HEATR6: variants seen among roughly 807,000 people sequenced by gnomAD.
HEATR6 encodes HEAT repeat containing 6.
In HEATR6, 106 loss-of-function variants were observed where a neutral mutation model predicts 132.8. That is an observed-to-expected ratio of 0.80 (90% CI 0.68 to 0.94). The LOEUF (loss-of-function observed/expected upper bound fraction) is 0.94. Ranked by LOEUF, HEATR6 falls within the 40% of genes least tolerant of loss-of-function variation. The probability of loss-of-function intolerance (pLI) is 0.00; values close to 1 mark genes in which losing one functional copy is unlikely to be tolerated. For synonymous variants in HEATR6, 529 were observed against 537.8 expected (o/e 0.98, Z 0.23); for missense variants, 1,339 against 1,425.1 (o/e 0.94, Z 0.97).
At chr17:60,067,237 T>C (rs1212600765) in intron 8 of HEATR6, among the ~76,000 whole-genome samples, 197 bp downstream of exon 8, 1 of 126,728 alleles carries the variant, frequency 7.9e-6, no homozygotes, top group Non-Finnish European at 1.6e-5. Flanking sequence ...GCCACTGCAC[T>C]CCAGCCTGGG....
rs1031535341 is a variant in HEATR6 at position 60,041,890 on chromosome 17, C to T, written c.*1673G>A. ...CATTTTTTGTAACTTCTTAATTGTC[C>T]CACATCAAAGATAAGTATGGACAAC... On this transcript the variant is annotated 3_prime_UTR_variant, in exon 20 of 20. Transcript: ENST00000184956. Among the ~76,000 whole-genome samples, 3 of 152,094 alleles carry T rather than the reference C, an allele frequency of 2.0e-5. No homozygotes were observed. Among genetic ancestry groups the T allele is most frequent in the Non-Finnish European group, 2.9e-5 (2 of 68,012 alleles).
At chr17:60,051,263 C>T (rs1052462510) in intron 14 of HEATR6, among the ~76,000 whole-genome samples, 13 of 152,218 alleles carry the variant, frequency 8.5e-5, no homozygotes, top group East Asian at 1.9e-4. Flanking sequence ...GCAACAGCAG[C>T]GGCAGCTAAT....
chr17:60,047,244 C>T (rs1906399673), intron 18 of HEATR6, 65 bp downstream of exon 18: 2 of 1,040,656 alleles, frequency 1.9e-6, no homozygotes, highest in Non-Finnish European at 2.9e-6. Flanking sequence ...CACTGAACTA[C>T]CACACTGCAG....
At chr17:60,047,281 G>T in intron 18 of HEATR6, 28 bp downstream of exon 18, 1 of 1,417,962 alleles carries the variant, frequency 7.1e-7, no homozygotes, top group South Asian at 1.2e-5. Context: ...ATCTGTTTGG[G>T]AGATACTGGG....
chr17:60,049,062 TTA>T (rs1260429542), intron 16 of HEATR6, among the ~76,000 whole-genome samples: 1 of 137,466 alleles, frequency 7.3e-6, no homozygotes, highest in East Asian at 2.1e-4. Flanking sequence ...ATGCCTGTAG[TTA>T]TATATATATT....
rs761478826 is a variant in HEATR6 at position 60,076,242 on chromosome 17, CAA to C, written c.220-7_220-6del. ...GACAAGAAGAGCACTAACGTCCTAC[CAA>C]AAAAAAAAAGATAAGAGGTAAAATA... On this transcript the variant is annotated splice_region_variant and splice_polypyrimidine_tract_variant and intron_variant, in intron 1 of 19. Transcript: ENST00000184956. 1.6e-4 allele frequency: 194 copies of C among 1,195,586 alleles called. No individual in the cohort carries two copies. The highest frequency in any genetic ancestry group is 2.0e-4 in the African/African-American group (12 of 60,204). The allele number at this position is 1,195,586 out of a possible 1,614,324, so 74.1% of individuals were successfully genotyped here. A position where few individuals can be genotyped will look rare whatever the true frequency, so the allele number is the denominator to read the frequency against.
intron 1 of HEATR6, among the ~76,000 whole-genome samples, chr17:60,077,558 AAC>A (rs1359444271): frequency 1.3e-5 from 2 of 152,196 alleles, no homozygotes; most frequent in South Asian, 4.1e-4. Flanking sequence ...TGCATATATA[AAC>A]ACACATATTT....
At chr17:60,066,087 C>T (rs1374698375) in intron 9 of HEATR6, 122 bp downstream of exon 9, 4 of 789,046 alleles carry the variant, frequency 5.1e-6, no homozygotes, top group Non-Finnish European at 8.2e-6. Flanking sequence ...GTGGTCAAGT[C>T]GGAACTTGGG....
rs2083240065 is a variant in HEATR6 at position 60,066,306 on chromosome 17, T to C, written c.1319A>G (p.Tyr440Cys). Reference sequence around the variant, plus strand: ...AGGAATAAAAGCTGACCAGTAGCCATAAAGAACTTTTTTTTCTATCGATTT... The same window carrying C: ...AGGAATAAAAGCTGACCAGTAGCCACAAAGAACTTTTTTTTCTATCGATTT... ...TIKSIEKKVL[Y>C]GYWSAFIPDT... Residue 440 changes from tyrosine to cysteine, a missense_variant, in exon 9 of 20, where the codon TAT becomes TGT. Coordinates refer to ENST00000184956, the MANE Select transcript of HEATR6 (RefSeq NM_022070.5). 1.2e-6 allele frequency: 2 copies of C among 1,613,826 alleles called. No homozygotes were observed. Among genetic ancestry groups the C allele is most frequent in the Admixed American group, 1.7e-5 (1 of 59,994 alleles).
chr17:60,070,022 G>A (rs1285752843), intron 6 of HEATR6, among the ~76,000 whole-genome samples, 174 bp from the exon 7 acceptor site: 1 of 152,180 alleles, frequency 6.6e-6, no homozygotes, highest in Non-Finnish European at 1.5e-5. Flanking sequence ...ATACCTTGAA[G>A]GCATAGGGCT....
At chr17:60,053,437 G>C (rs576250705) in intron 14 of HEATR6, among the ~76,000 whole-genome samples, 1 of 152,280 alleles carries the variant, frequency 6.6e-6, no homozygotes, top group South Asian at 2.1e-4. Flanking sequence ...CAAGGAATGG[G>C]GTGTTGTTAT....
At chr17:60,049,257 T>C (rs1279341042) in intron 16 of HEATR6, among the ~76,000 whole-genome samples, 2 of 151,356 alleles carry the variant, frequency 1.3e-5, no homozygotes, top group East Asian at 3.9e-4. Flanking sequence ...GCCTCCCAAG[T>C]AGCTGGGACT....
At position 60,078,846 on chromosome 17, in the gene HEATR6, G is replaced by C; in HGVS notation, c.69C>G (p.Ile23Met). 1.2e-6 allele frequency: 2 copies of C among 1,608,588 alleles called. No individual in the cohort carries two copies. Among genetic ancestry groups the C allele is most frequent in the Non-Finnish European group, 1.7e-6 (2 of 1,178,938 alleles). The part of the protein sequence containing the change: ...VQPREAPREA[I>M]PERGNGFRLL... ...GGCGAAACCCATTGCCTCGCTCAGGGATTGCTTCCCGCGGTGCCTCCCGCG... is the reference window on the plus strand; with the variant it reads ...GGCGAAACCCATTGCCTCGCTCAGGCATTGCTTCCCGCGGTGCCTCCCGCG... The change falls in exon 1 of 20, where the codon ATC becomes ATG. Residue 23 changes from isoleucine (I) to methionine (M), a missense_variant. Physicochemically the swap from Ile to Met is conservative, Grantham distance 10. Coordinates refer to ENST00000184956, the MANE Select transcript of HEATR6 (RefSeq NM_022070.5).
intron 14 of HEATR6, among the ~76,000 whole-genome samples, chr17:60,052,858 C>T (rs765400452): frequency 3.3e-5 from 5 of 151,990 alleles, no homozygotes; most frequent in East Asian, 1.9e-4. Flanking sequence ...TGAGGGGCGG[C>T]GGGGACACGG....
At position 60,078,732 on chromosome 17, in the gene HEATR6, G is replaced by A. The variant is rs748272447; in HGVS notation, c.183C>T (p.Ser61=). ...CGCCACTGCCCTCGCTGTAGTTCTC[G>A]GAGATGAGCTGATCGAAGAGCAGGT... The part of the protein sequence containing the change: ...EIHLLFDQLI[S]ENYSEGSGVA... Residue 61 remains serine, a synonymous_variant, in exon 1 of 20, where the codon TCC becomes TCT. Transcript: ENST00000184956. 5.8e-6 allele frequency: 9 copies of A among 1,555,010 alleles called. No homozygotes were observed. The African/African-American group carries it at 1.2e-4, about 21-fold the overall frequency.
chr17:60,072,064 T>C (rs2083272036), intron 5 of HEATR6, 151 bp downstream of exon 5: 3 of 408,468 alleles, frequency 7.3e-6, no homozygotes, highest in South Asian at 2.5e-4. Context: ...CGAAATGGTA[T>C]GATTTTAGTC....
At chr17:60,056,065 G>A (rs192834789) in intron 13 of HEATR6, 50 bp downstream of exon 13, 7 of 1,593,180 alleles carry the variant, frequency 4.4e-6, no homozygotes, top group South Asian at 2.2e-5. Context: ...GAAAAGGAAG[G>A]ATATAAAGTG....
chr17:60,054,954 G>A (rs985276222), intron 14 of HEATR6, among the ~76,000 whole-genome samples: 15 of 152,212 alleles, frequency 9.9e-5, no homozygotes, highest in Non-Finnish European at 2.1e-4. Context: ...CTCTAACACT[G>A]GAGGTGGGCC....
Position 60,073,225 on chromosome 17 carries a change from C to T in HEATR6, c.523G>A (p.Ala175Thr), listed in dbSNP as rs1377233054. The T allele has an allele frequency of 1.2e-6, 2 of 1,613,658 alleles. No homozygotes were observed. Among genetic ancestry groups the T allele is most frequent in the Non-Finnish European group, 1.7e-6 (2 of 1,179,774 alleles). Residue 175 changes from alanine to threonine, a missense_variant, in exon 4 of 20, where the codon GCT (alanine) becomes ACT (threonine). Ala to Thr is a moderately conservative substitution (Grantham distance 58). Transcript: ENST00000184956. ...CTCCTGACTTCAGGATCAGACTGAG[C>T]CAAGTCACTCAACTTCATTAAGAGT... is the stretch of plus-strand genomic sequence containing the variant. Reference protein sequence around the residue: ...TGLLMKLSDLAQSDPEVRRAA... With the variant: ...TGLLMKLSDLTQSDPEVRRAA...
Sources: allele counts gnomAD v4.1 joint callset (sites outside exome capture counted in the v4.1 genomes callset), GRCh38; gene constraint gnomAD v4.1.1; transcripts MANE v1.5; gene names NCBI Gene and HGNC (gene_info 2026-07-23, HGNC 2026-07-21).